The following SLC5A4 variants were observed in gnomAD, a reference collection of about 807,000 sequenced individuals.
The protein encoded by SLC5A4 is solute carrier family 5 member 4.
In SLC5A4, 55 loss-of-function variants were observed where a neutral mutation model predicts 70.3. The observed-to-expected ratio is 0.78, with a 90% CI of 0.63 to 0.98. SLC5A4 has a LOEUF of 0.98. Ranked by LOEUF, SLC5A4 falls within the 50% of genes least tolerant of loss-of-function variation. The pLI is 0.00. For missense variants in SLC5A4, 735 were observed against 839.2 expected (o/e 0.88, Z 1.53); for synonymous variants, 268 against 305.7 (o/e 0.88, Z 1.29).
chr22:32,282,304 G>C, the SLC5A4 span, among the ~76,000 whole-genome samples: 6 of 152,210 alleles, frequency 3.9e-5, no homozygotes, highest in South Asian at 1.0e-3. Flanking sequence ...CCCAGGGTCG[G>C]CTGGCAGACA....
In SLC5A4 at chr22:32,247,426, C is replaced by T; in HGVS notation, c.462G>A (p.Val154=). Residue 154 remains valine (V), a synonymous_variant, in exon 5 of 15, where the codon GTG becomes GTA. Transcript: ENST00000266086. ...YLSILSLFIC[V]VLLISADIFA... ...CTGAACTCACAGAAATTAACAAAAC[C>T]ACACAGATGAAGAGGGAGAGGATGG... is the stretch of plus-strand genomic sequence containing the variant. 6.2e-7 allele frequency: 1 copy of T among 1,612,200 alleles called. No homozygotes were observed. The highest frequency in any genetic ancestry group is 8.5e-7 in the Non-Finnish European group (1 of 1,178,252).
chr22:32,271,297 C>T, the SLC5A4 span: 129 of 746,240 alleles, frequency 1.7e-4, no homozygotes, highest in Middle Eastern at 3.2e-4. Context: ...GGGCGAGGCC[C>T]GCAGGGAGGA....
chr22:32,303,267 T>A, the SLC5A4 span, among the ~76,000 whole-genome samples: 1 of 152,208 alleles, frequency 6.6e-6, no homozygotes, highest in Non-Finnish European at 1.5e-5. Flanking sequence ...AGGTATACAT[T>A]GGTTCGGTCC....
At chr22:32,319,158 C>G in the SLC5A4 span, among the ~76,000 whole-genome samples, 6 of 152,160 alleles carry the variant, frequency 3.9e-5, no homozygotes, top group African/African-American at 1.2e-4. Flanking sequence ...ACACCATTGG[C>G]TCTCCTGGCT....
chr22:32,275,902 C>T, the SLC5A4 span, among the ~76,000 whole-genome samples: 13 of 152,230 alleles, frequency 8.5e-5, no homozygotes, highest in South Asian at 4.2e-4. Context: ...TTTTAATGAT[C>T]GCCATTCTAA....
chr22:32,226,184 C>T (rs1402733570), intron 11 of SLC5A4, among the ~76,000 whole-genome samples: 2 of 152,170 alleles, frequency 1.3e-5, no homozygotes, highest in East Asian at 3.8e-4. Context: ...ATAAAGAAAG[C>T]AGACTTCCAT....
At chr22:32,230,279 G>A (rs535876186) in intron 10 of SLC5A4, among the ~76,000 whole-genome samples, 98 of 152,300 alleles carry the variant, frequency 6.4e-4, no homozygotes, top group Non-Finnish European at 1.2e-3. Flanking sequence ...CCTTGATGGA[G>A]TAGGAGATCA....
At chr22:32,316,552 CAG>C in the SLC5A4 span, among the ~76,000 whole-genome samples, 1 of 151,760 alleles carries the variant, frequency 6.6e-6, no homozygotes, top group Non-Finnish European at 1.5e-5. Context: ...TTTTTAAAGA[CAG>C]AGTCTCACTC....
rs1386851325 is a variant in SLC5A4, at chr22:32,254,061, G to A, written c.207+81C>T. 66 of 1,112,782 alleles carry A rather than the reference G, an allele frequency of 5.9e-5. 1 individual carries two copies. The Middle Eastern group carries it at 7.7e-4, about 13-fold the overall frequency. 68.9% of individuals were successfully genotyped at this position (1,112,782 alleles called of 1,614,324 possible). A position where few individuals can be genotyped will look rare whatever the true frequency, so the allele number is the denominator to read the frequency against. ...CTCCCAAAGTGCTGGGATTACAGGC[G>A]TGAGACACCGCACCCAGCCTACATT... On this transcript the variant is annotated intron_variant, in intron 2 of 14. Coordinates refer to ENST00000266086, the MANE Select transcript of SLC5A4 (RefSeq NM_014227.3).
At position 32,255,216 on chromosome 22, in the gene SLC5A4, C is replaced by T. The variant is rs755012044; in HGVS notation, c.114G>A (p.Val38=). 2.5e-6 allele frequency: 4 copies of T among 1,614,058 alleles called. No individual in the cohort carries two copies. Among genetic ancestry groups the T allele is most frequent in the East Asian group, 4.5e-5 (2 of 44,886 alleles). ...DISVIVIYFL[V]VMAVGLWAML... ...CTACCCACAGCCCAACAGCCATCAC[C>T]ACCAGAAAATAGATGACAATGACTG... The change falls in exon 1 of 15, where the codon GTG becomes GTA. Residue 38 remains valine (V), a synonymous_variant. Transcript: ENST00000266086.
the SLC5A4 span, among the ~76,000 whole-genome samples, chr22:32,302,745 G>GT: frequency 2.6e-5 from 4 of 152,146 alleles, no homozygotes; most frequent in African/African-American, 9.7e-5. Flanking sequence ...GTAAAATTGG[G>GT]TTGAGTGATT....
the SLC5A4 span, among the ~76,000 whole-genome samples, chr22:32,331,633 G>A: frequency 1.1e-4 from 17 of 152,244 alleles, no homozygotes; most frequent in East Asian, 2.5e-3. Flanking sequence ...TATGCCCAGC[G>A]GCTTCTGGCA....
At chr22:32,326,557 C>G in the SLC5A4 span, among the ~76,000 whole-genome samples, 3 of 152,056 alleles carry the variant, frequency 2.0e-5, no homozygotes, top group East Asian at 5.8e-4. Flanking sequence ...GCCCGGCCAC[C>G]TTCATAAATT....
chr22:32,303,000 CTCT>C, the SLC5A4 span, among the ~76,000 whole-genome samples: 1 of 151,800 alleles, frequency 6.6e-6, no homozygotes, highest in African/African-American at 2.4e-5. Flanking sequence ...GCAGTGTTTT[CTCT>C]TTTTTAAAAA....
chr22:32,322,890 G>A, the SLC5A4 span, among the ~76,000 whole-genome samples: 3 of 152,242 alleles, frequency 2.0e-5, no homozygotes, highest in East Asian at 3.8e-4. Context: ...GGACCACAAT[G>A]TCAGAATTTC....
At chr22:32,329,837 GGTGT>G in the SLC5A4 span, among the ~76,000 whole-genome samples, 1 of 17,470 alleles carries the variant, frequency 5.7e-5, no homozygotes, top group Admixed American at 6.9e-4. Context: ...TGGGGGCTCT[GGTGT>G]GTGTGTGTTG....
the SLC5A4 span, among the ~76,000 whole-genome samples, chr22:32,278,362 T>C: frequency 6.6e-6 from 1 of 152,356 alleles, no homozygotes; most frequent in East Asian, 1.9e-4. Flanking sequence ...CATTGTTTGT[T>C]ATAATATGCA....
chr22:32,332,011 G>C, the SLC5A4 span, among the ~76,000 whole-genome samples: 1 of 152,008 alleles, frequency 6.6e-6, no homozygotes, highest in Non-Finnish European at 1.5e-5. Flanking sequence ...CATCCTCCTT[G>C]GACCCCCACC....
chr22:32,353,194 C>T, the SLC5A4 span, among the ~76,000 whole-genome samples: 2 of 152,136 alleles, frequency 1.3e-5, no homozygotes, highest in African/African-American at 4.8e-5. Flanking sequence ...CACCACAGTG[C>T]CCGGGCTTCC....
Sources: gnomAD v4.1 joint callset for allele counts (sites outside exome capture counted in the v4.1 genomes callset) on GRCh38, gnomAD v4.1.1 for gene constraint, MANE v1.5 for transcripts, NCBI Gene and HGNC (gene_info 2026-07-23, HGNC 2026-07-21) for gene names.